Variants in THSD7A observed in about 807,000 individuals in gnomAD.
THSD7A encodes the protein thrombospondin type-1 domain-containing protein 7A.
Under a neutral mutation model 231.3 loss-of-function variants are expected in THSD7A, and 96 were observed. The observed-to-expected ratio is 0.41, with a 90% CI of 0.35 to 0.49. The LOEUF is 0.49. THSD7A is among the 20% of genes least tolerant of loss of function. The pLI is 0.05. For missense variants in THSD7A, 2,290 were observed against 2,070.2 expected (o/e 1.11, Z -2.06); for synonymous variants, 940 against 743.3 (o/e 1.26, Z -4.30).
intron 1 of THSD7A, among the ~76,000 whole-genome samples, chr7:11,769,135 A>ATTTTTTT (rs1562541189): frequency 2.2e-4 from 8 of 36,612 alleles, no homozygotes; most frequent in Non-Finnish European, 4.3e-4. Flanking sequence ...ATATATATAT[A>ATTTTTTT]TATATATATA....
intron 4 of THSD7A, among the ~76,000 whole-genome samples, chr7:11,552,685 A>T (rs1789680934): frequency 6.6e-6 from 1 of 152,152 alleles, no homozygotes; most frequent in Non-Finnish European, 1.5e-5. Flanking sequence ...AGAAGCTGGT[A>T]GTTGTGCCAA....
At chr7:11,524,209 T>C (rs934694198) in intron 6 of THSD7A, among the ~76,000 whole-genome samples, 1 of 152,112 alleles carries the variant, frequency 6.6e-6, no homozygotes, top group Admixed American at 6.6e-5. Flanking sequence ...AATCCAGCCC[T>C]AAATGAAGGC....
In THSD7A at chr7:11,814,385, A is replaced by G. The variant is rs142734718; in HGVS notation, c.190+17372T>C. On this transcript the variant is annotated intron_variant, in intron 1 of 27. Transcript: ENST00000423059. This position sits in a 1 kb window ranked among gnomAD's most constrained non-coding sequence, Gnocchi z 5.1. ...CATCTCATTTATAATAACATGGCAC[A>G]AAAGTAATTTTCACTCTAATTTCCA... Among the ~76,000 whole-genome samples the G allele has an allele frequency of 0.011, 1,653 of 152,318 alleles. 17 individuals are homozygous for G. Among genetic ancestry groups the G allele is most frequent in the South Asian group, 0.024 (116 of 4,820 alleles).
intron 4 of THSD7A, among the ~76,000 whole-genome samples, chr7:11,562,475 G>C (rs1014592657): frequency 6.6e-6 from 1 of 151,988 alleles, no homozygotes; most frequent in African/African-American, 2.4e-5. Flanking sequence ...AAAACCTCCT[G>C]ATACGTATTT....
chr7:11,785,882 G>A (rs1345820128), intron 1 of THSD7A, among the ~76,000 whole-genome samples: 1 of 151,984 alleles, frequency 6.6e-6, no homozygotes, highest in African/African-American at 2.4e-5. Context: ...TGTGCTCTTA[G>A]GGTTAATTTG....
intron 2 of THSD7A, among the ~76,000 whole-genome samples, chr7:11,602,268 T>C (rs986936): frequency 0.12 from 18,523 of 152,080 alleles, 1,434 homozygotes; most frequent in East Asian, 0.24. Context: ...ATAGTTTACA[T>C]ATATAATATA....
rs1467315927 is a variant in THSD7A, at chr7:11,769,261, T to G, written c.190+62496A>C. Among the ~76,000 whole-genome samples the G allele has an allele frequency of 2.0e-5, 3 of 149,226 alleles. No homozygotes were observed. The East Asian group carries it at 5.9e-4, about 30-fold the overall frequency. On this transcript the variant is annotated intron_variant, in intron 1 of 27. Transcript: ENST00000423059. ...ATCTGCCTGCCTCGGCCTCCCAAAG[T>G]GCTGGGATTACAGGCATGAGCCACT...
chr7:11,633,424 A>G (rs552667596), intron 2 of THSD7A, among the ~76,000 whole-genome samples: 1 of 152,240 alleles, frequency 6.6e-6, no homozygotes, highest in East Asian at 1.9e-4. Context: ...CCTGCCTATT[A>G]TGCTATTCTG....
At chr7:11,565,623 A>T (rs1305137397) in intron 4 of THSD7A, among the ~76,000 whole-genome samples, 3 of 73,320 alleles carry the variant, frequency 4.1e-5, no homozygotes, top group Non-Finnish European at 8.6e-5. Context: ...TGGGGGTTAG[A>T]GAGAGAAGAA....
intron 7 of THSD7A, among the ~76,000 whole-genome samples, chr7:11,479,790 C>G (rs1231192057): frequency 6.6e-6 from 1 of 152,072 alleles, no homozygotes; most frequent in African/African-American, 2.4e-5. Context: ...CATAATTATA[C>G]CAGCTTTTAT....
At chr7:11,582,161 A>G (rs1791194104) in intron 4 of THSD7A, among the ~76,000 whole-genome samples, 1 of 151,996 alleles carries the variant, frequency 6.6e-6, no homozygotes, top group African/African-American at 2.4e-5. Flanking sequence ...TATTAAATTG[A>G]TTAAATTTTA....
intron 1 of THSD7A, among the ~76,000 whole-genome samples, chr7:11,721,589 G>A (rs1031742370): frequency 6.6e-6 from 1 of 151,748 alleles, no homozygotes; most frequent in Non-Finnish European, 1.5e-5. Context: ...AGCAATGTGA[G>A]AACGGACTAA....
chr7:11,387,915 T>C (rs1360458634), intron 23 of THSD7A, among the ~76,000 whole-genome samples: 1 of 152,204 alleles, frequency 6.6e-6, no homozygotes, highest in Non-Finnish European at 1.5e-5. Context: ...ATTTTTAGCA[T>C]GAATGGGTGT....
chr7:11,379,710 C>G lies in THSD7A; in HGVS notation c.4510G>C (p.Gly1504Arg), dbSNP rs773441178. The G allele has an allele frequency of 3.2e-6, 5 of 1,584,648 alleles. No homozygotes were observed. Among genetic ancestry groups the G allele is most frequent in the Non-Finnish European group, 4.3e-6 (5 of 1,164,556 alleles). Reference sequence around the variant, plus strand: ...TCAGGCTGGCTCATCACCAAGCAGCCCCCTGCGGAACAGAAAATCATGTTT... The same window carrying G: ...TCAGGCTGGCTCATCACCAAGCAGCGCCCTGCGGAACAGAAAATCATGTTT... Reference protein sequence around the residue: ...QRSDGINVTGGCLVMSQPDAD... With the variant: ...QRSDGINVTGRCLVMSQPDAD... The change falls in exon 25 of 28, where the codon GGC (glycine) becomes CGC (arginine). Residue 1504 changes from glycine (G) to arginine (R), a missense_variant and splice_region_variant. By Grantham distance (125) the Gly-to-Arg change is moderately radical (BLOSUM62 -2). Coordinates refer to ENST00000423059, the MANE Select transcript of THSD7A (RefSeq NM_015204.3).
At chr7:11,750,552 G>A (rs757801438) in intron 1 of THSD7A, among the ~76,000 whole-genome samples, 3 of 151,946 alleles carry the variant, frequency 2.0e-5, no homozygotes, top group Non-Finnish European at 2.9e-5. Context: ...AAACCCAATA[G>A]TCTGATTTGC....
Position 11,462,094 on chromosome 7 carries a change from CA to C in THSD7A, c.2417del (p.Leu806ArgfsTer40). 6.2e-7 allele frequency: 1 copy of C among 1,613,820 alleles called. No homozygotes were observed. Among genetic ancestry groups the C allele is most frequent in the Non-Finnish European group, 8.5e-7 (1 of 1,179,766 alleles). On this transcript the variant is annotated frameshift_variant, in exon 10 of 28. Coordinates refer to ENST00000423059, the MANE Select transcript of THSD7A (RefSeq NM_015204.3). LOFTEE classifies it high-confidence loss of function. ...TGCAGTCTCGGCCCCCGTTGGCTGG[CA>C]GCTGAATGATGACCCGATGCCTAGA... ...KQSRHRVIIQLPANGGRDCTD... is the reference protein window; with the variant it reads ...KQSRHRVIIQXPANGGRDCTD...
In THSD7A at chr7:11,565,531, G is replaced by A. The variant is rs115072727; in HGVS notation, c.1454-22414C>T. Among the ~76,000 whole-genome samples, 191 of 152,260 alleles carry A rather than the reference G, an allele frequency of 1.3e-3. 2 individuals carry two copies. The highest frequency in any genetic ancestry group is 4.3e-3 in the African/African-American group (179 of 41,546). ...TAATACAGGCAAGAAACAGTGGCTTGGACTGGAAGATGATAGTGGAAGTGA... is the reference window on the plus strand; with the variant it reads ...TAATACAGGCAAGAAACAGTGGCTTAGACTGGAAGATGATAGTGGAAGTGA... On this transcript the variant is annotated intron_variant, in intron 4 of 27. Transcript: ENST00000423059.
At chr7:11,704,104 G>T (rs1780688569) in intron 1 of THSD7A, among the ~76,000 whole-genome samples, 1 of 151,034 alleles carries the variant, frequency 6.6e-6, no homozygotes, top group Admixed American at 6.6e-5. Flanking sequence ...AGCATCGAAA[G>T]TTCTCATTAG....
chr7:11,651,058 CTAA>C (rs1782481707), intron 1 of THSD7A, among the ~76,000 whole-genome samples: 1 of 151,780 alleles, frequency 6.6e-6, no homozygotes, highest in African/African-American at 2.4e-5. Flanking sequence ...ATCCAAATGT[CTAA>C]TAATAATAGA....
Sources: allele counts gnomAD v4.1 joint callset (sites outside exome capture counted in the v4.1 genomes callset), GRCh38; gene constraint gnomAD v4.1.1; non-coding constraint Gnocchi (gnomAD v3.1); transcripts MANE v1.5; gene names NCBI Gene and HGNC (gene_info 2026-07-23, HGNC 2026-07-21).